Variants in PKHD1L1 observed in about 807,000 individuals in gnomAD.
The protein encoded by PKHD1L1 is PKHD1 like 1.
Under a neutral mutation model 462.9 loss-of-function variants are expected in PKHD1L1, and 434 were observed. That is an observed-to-expected ratio of 0.94 (90% CI 0.87 to 1.02). The LOEUF (loss-of-function observed/expected upper bound fraction) is 1.02, where lower values mean the gene tolerates loss of function less well. Ranked by LOEUF, PKHD1L1 falls within the 50% of genes least tolerant of loss-of-function variation. The probability of loss-of-function intolerance (pLI) is 0.00; values close to 1 mark genes in which losing one functional copy is unlikely to be tolerated. For synonymous variants in PKHD1L1, 1,781 were observed against 1,750.0 expected (o/e 1.02, Z -0.44); for missense variants, 5,202 against 5,096.1 (o/e 1.02, Z -0.63).
chr8:109,365,781 G>A (rs1811199732), intron 2 of PKHD1L1, among the ~76,000 whole-genome samples: 1 of 152,140 alleles, frequency 6.6e-6, no homozygotes, highest in African/African-American at 2.4e-5. Flanking sequence ...GGAGACAATT[G>A]TGGCCAACAT....
At chr8:109,527,448 G>A (rs1273375161) in intron 77 of PKHD1L1, among the ~76,000 whole-genome samples, 1 of 152,120 alleles carries the variant, frequency 6.6e-6, no homozygotes, top group African/African-American at 2.4e-5. Context: ...AGGCTGCAGT[G>A]AACTGAGATC....
At position 109,445,280 on chromosome 8, in the gene PKHD1L1, C is replaced by T; in HGVS notation, c.5411C>T (p.Pro1804Leu). The T allele has an allele frequency of 1.2e-6, 2 of 1,613,982 alleles. No homozygotes were observed. Among genetic ancestry groups the T allele is most frequent in the Non-Finnish European group, 1.7e-6 (2 of 1,179,890 alleles). The change falls in exon 38 of 78, where the codon CCT (proline) becomes CTT (leucine). Residue 1804 changes from proline (P) to leucine (L), a missense_variant. Pro to Leu is a moderately conservative substitution (Grantham distance 98). Coordinates refer to ENST00000378402, the MANE Select transcript of PKHD1L1 (RefSeq NM_177531.6). ...AACAACATCACTGCTCTTGTGACTCCTCTCCCAGTTGGACATCATTCTGTT... is the reference window on the plus strand; with the variant it reads ...AACAACATCACTGCTCTTGTGACTCTTCTCCCAGTTGGACATCATTCTGTT... ...NENNITALVT[P>L]LPVGHHSVSV...
intron 76 of PKHD1L1, among the ~76,000 whole-genome samples, 180 bp downstream of exon 76, chr8:109,523,566 A>C (rs2131034493): frequency 6.6e-6 from 1 of 152,336 alleles, no homozygotes; most frequent in East Asian, 1.9e-4. Flanking sequence ...TTCATATGTG[A>C]AATAAATAGA....
At chr8:109,417,376 T>C (rs1814234339) in intron 21 of PKHD1L1, among the ~76,000 whole-genome samples, 1 of 152,070 alleles carries the variant, frequency 6.6e-6, no homozygotes, top group Non-Finnish European at 1.5e-5. Context: ...AATTAAAAAA[T>C]GTATCTACTG....
intron 70 of PKHD1L1, among the ~76,000 whole-genome samples, chr8:109,509,969 G>A (rs1819883550): frequency 6.6e-6 from 1 of 152,050 alleles, no homozygotes. Flanking sequence ...AAATAGAGAA[G>A]TTTGTTATAA....
chr8:109,469,192 G>C (rs1375725828), intron 50 of PKHD1L1, among the ~76,000 whole-genome samples: 1 of 152,040 alleles, frequency 6.6e-6, no homozygotes, highest in Non-Finnish European at 1.5e-5. Flanking sequence ...CCAATCCCAT[G>C]GCACCATCCC....
intron 65 of PKHD1L1, 23 bp from the exon 66 acceptor site, chr8:109,498,439 T>C (rs766648308): frequency 2.9e-5 from 44 of 1,527,428 alleles, no homozygotes; most frequent in Non-Finnish European, 3.7e-5. Flanking sequence ...TAATGCTATA[T>C]TGTTTGGCTT....
intron 2 of PKHD1L1, among the ~76,000 whole-genome samples, chr8:109,371,862 T>C (rs1811529797): frequency 6.6e-6 from 1 of 152,176 alleles, no homozygotes; most frequent in Non-Finnish European, 1.5e-5. Flanking sequence ...CATTGGTCTA[T>C]ATCTCTGTTT....
At chr8:109,382,805 C>T (rs181259530) in intron 4 of PKHD1L1, among the ~76,000 whole-genome samples, 2 of 151,388 alleles carry the variant, frequency 1.3e-5, no homozygotes, top group Non-Finnish European at 2.9e-5. Flanking sequence ...TTTTGTACTT[C>T]AAACATGTTT....
At chr8:109,500,080 G>A (rs939148085) in intron 67 of PKHD1L1, among the ~76,000 whole-genome samples, 1 of 152,128 alleles carries the variant, frequency 6.6e-6, no homozygotes, top group African/African-American at 2.4e-5. Flanking sequence ...GATGAGAGAT[G>A]GGTGTACCAG....
intron 48 of PKHD1L1, among the ~76,000 whole-genome samples, chr8:109,462,898 A>T (rs1211912584): frequency 6.6e-6 from 1 of 151,932 alleles, no homozygotes; most frequent in Non-Finnish European, 1.5e-5. Context: ...CATGGCTGAC[A>T]CCCTAATTTC....
chr8:109,442,054 G>C lies in PKHD1L1; in HGVS notation c.4252G>C (p.Val1418Leu). 6.2e-7 allele frequency: 1 copy of C among 1,613,392 alleles called. No individual in the cohort carries two copies. ...AWSPPVLNVS[V>L]GDTVAWHWQT... ...GTCACCACCAGTCCTAAATGTGTCTGTGGGGGACACAGTGGCATGGCATTG... is the reference window on the plus strand; with the variant it reads ...GTCACCACCAGTCCTAAATGTGTCTCTGGGGGACACAGTGGCATGGCATTG... Residue 1418 changes from valine (V) to leucine (L), a missense_variant, in exon 35 of 78, where the codon GTG becomes CTG. Val to Leu is a conservative substitution (Grantham distance 32). Transcript: ENST00000378402.
At chr8:109,516,602 A>G (rs1820282322) in intron 72 of PKHD1L1, among the ~76,000 whole-genome samples, 1 of 152,162 alleles carries the variant, frequency 6.6e-6, no homozygotes, top group African/African-American at 2.4e-5. Flanking sequence ...TATGGTGCAC[A>G]GCAAGAACTC....
intron 9 of PKHD1L1, among the ~76,000 whole-genome samples, chr8:109,391,854 T>C (rs1812728046): frequency 6.6e-6 from 1 of 152,198 alleles, no homozygotes; most frequent in African/African-American, 2.4e-5. Context: ...ATCATTGTAT[T>C]TAGAGATCAT....
intron 32 of PKHD1L1, 140 bp downstream of exon 32, chr8:109,439,232 C>T (rs183554331): frequency 7.8e-5 from 57 of 733,768 alleles, no homozygotes; most frequent in Admixed American, 2.8e-4. Flanking sequence ...CAAAAGATGC[C>T]GAGAATATCT....
In PKHD1L1 at chr8:109,450,936, G is replaced by A. The variant is rs777201578; in HGVS notation, c.6176-39G>A. 10 of 1,543,840 alleles carry A rather than the reference G, an allele frequency of 6.5e-6. No homozygotes were observed. In the East Asian group the frequency reaches 1.8e-4, roughly 28 times the overall value. ...AGGTTTTGGAAATGAATCAGGGCCC[G>A]ATGGCAGAACTGCATTCAGTCTGAT... On this transcript the variant is annotated intron_variant, in intron 40 of 77. Transcript: ENST00000378402.
intron 2 of PKHD1L1, among the ~76,000 whole-genome samples, chr8:109,371,074 G>A (rs1288422431): frequency 1.5e-4 from 23 of 152,132 alleles, no homozygotes; most frequent in Admixed American, 5.9e-4. Flanking sequence ...CTGAGGAATC[G>A]CCACACTGAC....
intron 69 of PKHD1L1, 97 bp downstream of exon 69, chr8:109,507,992 T>A: frequency 1.3e-6 from 2 of 1,507,338 alleles, no homozygotes; most frequent in South Asian, 1.3e-5. Context: ...CAATAACTTT[T>A]ATTTTCTACT....
At chr8:109,410,444 G>A (rs906423384) in intron 19 of PKHD1L1, among the ~76,000 whole-genome samples, 11 of 152,208 alleles carry the variant, frequency 7.2e-5, no homozygotes, top group South Asian at 2.1e-4. Flanking sequence ...GGGGGAACAG[G>A]CACGTCACTT....
Sources: allele counts gnomAD v4.1 joint callset (sites outside exome capture counted in the v4.1 genomes callset), GRCh38; gene constraint gnomAD v4.1.1; transcripts MANE v1.5; gene names NCBI Gene and HGNC (gene_info 2026-07-23, HGNC 2026-07-21).